The following ZNF510 variants were observed in gnomAD, a reference collection of about 807,000 sequenced individuals.
The protein encoded by ZNF510 is zinc finger protein 510.
In ZNF510, 15 loss-of-function variants were observed where a neutral mutation model predicts 18.1. The observed-to-expected ratio is 0.83, with a 90% CI of 0.55 to 1.28. ZNF510 has a LOEUF of 1.28. Among genes scored for constraint, ZNF510 ranks in the 50% most tolerant of loss-of-function variants. ZNF510 has a pLI of 0.00. For missense variants in ZNF510, 724 were observed against 791.8 expected, an observed-to-expected ratio of 0.91 and a Z score of 1.03; for synonymous variants, 261 against 266.4, an observed-to-expected ratio of 0.98 and a Z score of 0.20.
At chr9:96,772,054 T>G (rs555820792) in intron 3 of ZNF510, among the ~76,000 whole-genome samples, 1 of 152,252 alleles carries the variant, frequency 6.6e-6, no homozygotes, top group East Asian at 1.9e-4. Context: ...ATTATGACAG[T>G]GAAGTACTAG....
chr9:96,760,092 CTT>C lies in ZNF510; in HGVS notation c.736_737del (p.Lys246ValfsTer9). ...CAAAAGCTTGCTCCAAAGTTTGAAA[CTT>C]TGGATGCTTGGGAAGATTTTCATTA... ...NYNENLPKHP[K>X]FQTLEQAFEC... On this transcript the variant is annotated frameshift_variant, in exon 6 of 6. Coordinates refer to ENST00000223428, the MANE Select transcript of ZNF510 (RefSeq NM_014930.3). LOFTEE classifies it low-confidence loss of function (END_TRUNC). 1.2e-6 allele frequency: 2 copies of C among 1,609,362 alleles called. No individual in the cohort carries two copies. Among genetic ancestry groups the C allele is most frequent in the Non-Finnish European group, 1.7e-6 (2 of 1,178,422 alleles).
Position 96,760,011 on chromosome 9 carries a change from G to C in ZNF510, c.819C>G (p.Asn273Lys), listed in dbSNP as rs10217154. The C allele has an allele frequency of 0.011, 18,446 of 1,612,770 alleles. 1,671 individuals are homozygous for C. The African/African-American group carries it at 0.21, about 18-fold the overall frequency. The change falls in exon 6 of 6, where the codon AAC (asparagine) becomes AAG (lysine). Residue 273 changes from asparagine to lysine, a missense_variant. Asn to Lys is a moderately conservative substitution (Grantham distance 94). Coordinates refer to ENST00000223428, the MANE Select transcript of ZNF510 (RefSeq NM_014930.3). Reference sequence around the variant, plus strand: ...AGGATGTTTCTCCTGTGTGAGAACTGTTATGTTTAACACAGTTAGCCTTAT... The same window carrying C: ...AGGATGTTTCTCCTGTGTGAGAACTCTTATGTTTAACACAGTTAGCCTTAT... ...FNDKANCVKH[N>K]SSHTGETSSK...
At chr9:96,773,768 G>C (rs1317249928) in intron 3 of ZNF510, among the ~76,000 whole-genome samples, 1 of 152,114 alleles carries the variant, frequency 6.6e-6, no homozygotes, top group African/African-American at 2.4e-5. Flanking sequence ...TAGAGACAGG[G>C]TTTCACCACG....
At position 96,755,457 on chromosome 9, in the gene ZNF510, CA is replaced by C. The variant is rs1849172499; in HGVS notation, c.*3320del. On this transcript the variant is annotated 3_prime_UTR_variant, in exon 6 of 6. Transcript: ENST00000223428. ...TCTTCCTGTCATATCTGCTTCTCTC[CA>C]GGGGTAACCTTATGCTCTCCTATTG... Among the ~76,000 whole-genome samples, 1 of 152,142 alleles carries C rather than the reference CA, an allele frequency of 6.6e-6. No homozygotes were observed. The highest frequency in any genetic ancestry group is 2.4e-5 in the African/African-American group (1 of 41,432).
intron 3 of ZNF510, among the ~76,000 whole-genome samples, chr9:96,765,661 T>C (rs10217328): frequency 0.059 from 9,000 of 152,004 alleles, 882 homozygotes; most frequent in African/African-American, 0.2. Context: ...TACAGGCACG[T>C]GCCACCACGC....
intron 5 of ZNF510, among the ~76,000 whole-genome samples, chr9:96,761,042 C>T (rs1315797251): frequency 6.6e-6 from 1 of 152,100 alleles, no homozygotes; most frequent in African/African-American, 2.4e-5. Context: ...ACAGCACCAA[C>T]TCCTTTATGA....
At chr9:96,775,591 G>A (rs1849680039) in intron 2 of ZNF510, among the ~76,000 whole-genome samples, 1 of 152,178 alleles carries the variant, frequency 6.6e-6, no homozygotes, top group Non-Finnish European at 1.5e-5. Flanking sequence ...CACTTCTGGT[G>A]ACTCACCTGT....
chr9:96,773,003 G>A (rs771608692), intron 3 of ZNF510, among the ~76,000 whole-genome samples: 1 of 152,020 alleles, frequency 6.6e-6, no homozygotes, highest in Non-Finnish European at 1.5e-5. Context: ...ATAAATTATG[G>A]TCTATTCATA....
In ZNF510 at chr9:96,760,120, T is replaced by A; in HGVS notation, c.710A>T (p.Tyr237Phe). 6.2e-7 allele frequency: 1 copy of A among 1,609,308 alleles called. No homozygotes were observed. The highest frequency in any genetic ancestry group is 8.5e-7 in the Non-Finnish European group (1 of 1,178,680). ...EHNKNMKALN[Y>F]NENLPKHPKF... ...TGGATGCTTGGGAAGATTTTCATTA[T>A]AATTGAGAGCTTTCATGTTTTTATT... The change falls in exon 6 of 6, where the codon TAT (tyrosine) becomes TTT (phenylalanine). Residue 237 changes from tyrosine (Y) to phenylalanine (F), a missense_variant. Tyr to Phe is a conservative substitution (Grantham distance 22). Coordinates refer to ENST00000223428, the MANE Select transcript of ZNF510 (RefSeq NM_014930.3).
intron 5 of ZNF510, among the ~76,000 whole-genome samples, chr9:96,760,890 A>C (rs1849331734): frequency 6.6e-6 from 1 of 152,138 alleles, no homozygotes; most frequent in African/African-American, 2.4e-5. Context: ...GAATAGACTC[A>C]ACAGGGAGGG....
intron 3 of ZNF510, among the ~76,000 whole-genome samples, chr9:96,764,969 C>A (rs923925494): frequency 1.3e-5 from 2 of 151,432 alleles, no homozygotes; most frequent in Non-Finnish European, 2.9e-5. Flanking sequence ...AAAAATTAGC[C>A]GGGTGTGGTG....
At position 96,776,254 on chromosome 9, in the gene ZNF510, TAA is replaced by T. The variant is rs1337985132; in HGVS notation, c.-176-11_-176-10del. ...CTGGGGCTCCCTCCTTCCTGCAACA[TAA>T]AGAGCTGCTTTGCTCCAGAGAAGCT... On this transcript the variant is annotated splice_polypyrimidine_tract_variant and intron_variant, in intron 1 of 5. Transcript: ENST00000223428. 6 of 1,178,480 alleles carry T rather than the reference TAA, an allele frequency of 5.1e-6. No individual in the cohort carries two copies. The highest frequency in any genetic ancestry group is 4.5e-6 in the Non-Finnish European group (4 of 891,320). 73.0% of individuals were successfully genotyped at this position (1,178,480 alleles called of 1,614,324 possible).
chr9:96,763,347 C>A (rs1227865431), intron 4 of ZNF510, 134 bp from the exon 5 acceptor site: 2 of 1,271,376 alleles, frequency 1.6e-6, no homozygotes, highest in Non-Finnish European at 2.2e-6. Context: ...GTTGACAACA[C>A]ATTCTTTCTA....
In ZNF510 at chr9:96,763,128, C is replaced by T. The variant is rs753203060; in HGVS notation, c.342G>A (p.Gln114=). The T allele has an allele frequency of 3.1e-6, 5 of 1,614,032 alleles. No individual in the cohort carries two copies. The highest frequency in any genetic ancestry group is 3.4e-6 in the Non-Finnish European group (4 of 1,179,916). ...TGCTCAGTAACTCACTTGGGTGACT[C>T]TGGTTTGAGAATTCCTCCTCTGAGA... The part of the protein sequence containing the change: ...PWFSEEEFSN[Q]SHPKDYRGDD... Residue 114 remains glutamine (Q), a synonymous_variant, in exon 5 of 6, where the codon CAG becomes CAA. Transcript: ENST00000223428.
chr9:96,763,409 AT>A, intron 4 of ZNF510, 96 bp downstream of exon 4: 1 of 1,459,788 alleles, frequency 6.9e-7, no homozygotes, highest in African/African-American at 1.4e-5. Context: ...AGCCTAAATA[AT>A]TTAAACTTTA....
Position 96,760,362 on chromosome 9 carries a change from C to CAAAACTTTCTCTTCCTCTGTAGT in ZNF510, c.445_467dup (p.Gly157LeufsTer16). 6.2e-7 allele frequency: 1 copy of CAAAACTTTCTCTTCCTCTGTAGT among 1,613,820 alleles called. No homozygotes were observed. Among genetic ancestry groups the CAAAACTTTCTCTTCCTCTGTAGT allele is most frequent in the Non-Finnish European group, 8.5e-7 (1 of 1,179,878 alleles). On this transcript the variant is annotated frameshift_variant, in exon 6 of 6. Coordinates refer to ENST00000223428, the MANE Select transcript of ZNF510 (RefSeq NM_014930.3). LOFTEE classifies it low-confidence loss of function (END_TRUNC). The stretch of plus-strand genomic sequence containing the variant: ...CTACATGCAGAGTAAATGGTTTCCC[C>CAAAACTTTCTCTTCCTCTGTAGT]AAAACTTTCTCTTCCTCTGTAGTCA...
chr9:96,763,704 A>C (rs554621713), intron 3 of ZNF510, 72 bp from the exon 4 acceptor site: 8 of 1,407,618 alleles, frequency 5.7e-6, no homozygotes, highest in Non-Finnish European at 7.6e-6. Flanking sequence ...CATGAAAACA[A>C]TTCTTATCAG....
chr9:96,755,349 C>G lies in ZNF510; in HGVS notation c.*3429G>C, dbSNP rs188926407. On this transcript the variant is annotated 3_prime_UTR_variant, in exon 6 of 6. Coordinates refer to ENST00000223428, the MANE Select transcript of ZNF510 (RefSeq NM_014930.3). Reference sequence around the variant, plus strand: ...ACTTGCTTTATATTAGGAAGTATTACAAAAACAGAGTAAACAGTGATGTTT... The same window carrying G: ...ACTTGCTTTATATTAGGAAGTATTAGAAAAACAGAGTAAACAGTGATGTTT... Among the ~76,000 whole-genome samples the G allele has an allele frequency of 6.6e-6, 1 of 152,266 alleles. No homozygotes were observed. The highest frequency in any genetic ancestry group is 2.4e-5 in the African/African-American group (1 of 41,564).
intron 3 of ZNF510, among the ~76,000 whole-genome samples, chr9:96,769,894 A>G (rs1034885082): frequency 1.3e-5 from 2 of 152,212 alleles, no homozygotes; most frequent in Non-Finnish European, 2.9e-5. Context: ...GGATGTCCAT[A>G]ATTTTAAAAA....
Sources: allele counts gnomAD v4.1 joint callset (sites outside exome capture counted in the v4.1 genomes callset), GRCh38; gene constraint gnomAD v4.1.1; transcripts MANE v1.5; gene names NCBI Gene and HGNC (gene_info 2026-07-23, HGNC 2026-07-21).